Variants in DNAAF9 observed in about 807,000 individuals in gnomAD.
DNAAF9 encodes dynein axonemal assembly factor 9, also known as shulin.
Under a neutral mutation model 167.0 loss-of-function variants are expected in DNAAF9, and 90 were observed. The observed-to-expected ratio is 0.54, with a 90% CI of 0.45 to 0.64. The LOEUF is 0.64. Among genes scored for constraint, DNAAF9 ranks in the 30% least tolerant of loss-of-function variants. DNAAF9 has a pLI of 0.00. For synonymous variants in DNAAF9, 491 were observed against 508.8 expected (o/e 0.96, Z 0.47); for missense variants, 1,315 against 1,442.2 (o/e 0.91, Z 1.43).
intron 7 of DNAAF9, among the ~76,000 whole-genome samples, chr20:3,356,746 T>C (rs1469112219): frequency 6.6e-6 from 1 of 152,182 alleles, no homozygotes; most frequent in Non-Finnish European, 1.5e-5. Context: ...AGAAAAGTTC[T>C]CACAGCAAGA....
intron 21 of DNAAF9, among the ~76,000 whole-genome samples, chr20:3,298,730 A>G (rs1202152141): frequency 6.6e-6 from 1 of 151,890 alleles, no homozygotes; most frequent in East Asian, 1.9e-4. Context: ...CTGTCTTTTC[A>G]CTCTCTGGAT....
chr20:3,315,904 C>T lies in DNAAF9; in HGVS notation c.1540-119G>A. On this transcript the variant is annotated intron_variant, in intron 18 of 36. Coordinates refer to ENST00000252032, the MANE Select transcript of DNAAF9 (RefSeq NM_001009984.3). The surrounding 1 kb of genome is among the most constrained non-coding windows in gnomAD (Gnocchi z 4.1). ...GGCTGGACAGTCCTTCCACCATGTC[C>T]ATGTCCAGTGCTCTCAGGCCCTGAC... The T allele has an allele frequency of 2.5e-6, 2 of 815,760 alleles. No individual in the cohort carries two copies. Among genetic ancestry groups the T allele is most frequent in the Non-Finnish European group, 4.3e-6 (2 of 462,636 alleles). The allele number at this position is 815,760 out of a possible 1,614,324, so 50.5% of individuals were successfully genotyped here. A position where few individuals can be genotyped will look rare whatever the true frequency, so the allele number is the denominator to read the frequency against.
chr20:3,358,580 CCA>C (rs2083320105), intron 7 of DNAAF9, among the ~76,000 whole-genome samples: 1 of 152,190 alleles, frequency 6.6e-6, no homozygotes, highest in African/African-American at 2.4e-5. Flanking sequence ...GCCACTGTGC[CCA>C]GTCTGCCCTT....
intron 6 of DNAAF9, among the ~76,000 whole-genome samples, chr20:3,360,770 T>C (rs943559143): frequency 2.6e-5 from 4 of 152,202 alleles, no homozygotes; most frequent in African/African-American, 4.8e-5. Context: ...AGGATGACCA[T>C]GAAAGCCCTG....
At chr20:3,393,279 G>A (rs2083851569) in intron 1 of DNAAF9, among the ~76,000 whole-genome samples, 1 of 152,094 alleles carries the variant, frequency 6.6e-6, no homozygotes, top group South Asian at 2.1e-4. Context: ...CTGGGTTCAA[G>A]TGATTCTCCT....
chr20:3,335,789 C>T (rs1339218125), intron 10 of DNAAF9, among the ~76,000 whole-genome samples: 2 of 149,114 alleles, frequency 1.3e-5, no homozygotes, highest in African/African-American at 5.0e-5. Context: ...TTGTCTTCCC[C>T]CTATGGGTAA....
chr20:3,401,177 C>T (rs1291472588), intron 1 of DNAAF9, among the ~76,000 whole-genome samples: 1 of 152,130 alleles, frequency 6.6e-6, no homozygotes, highest in Non-Finnish European at 1.5e-5. Flanking sequence ...AAAGTGCTTT[C>T]TCTAGAGTAT....
At chr20:3,295,973 C>A in intron 23 of DNAAF9, 1 of 1,583,630 alleles carries the variant, frequency 6.3e-7, no homozygotes. Context: ...CTTGGTCAGG[C>A]ATTTCACTTT....
intron 7 of DNAAF9, among the ~76,000 whole-genome samples, chr20:3,356,590 C>T: frequency 6.6e-6 from 1 of 152,120 alleles, no homozygotes; most frequent in East Asian, 1.9e-4. Context: ...GAAATTTCTG[C>T]TTTTTCCCTT....
rs188871143 is a variant in DNAAF9 at position 3,300,009 on chromosome 20, T to G, written c.1783-1834A>C. Among the ~76,000 whole-genome samples, 511 of 152,124 alleles carry G rather than the reference T, an allele frequency of 3.4e-3. 5 individuals are homozygous for G. The highest frequency in any genetic ancestry group is 0.011 in the African/African-American group (437 of 41,510). ...CCTCTGCCTCCCAGGTTAAAGTGAT[T>G]CTTGTGCCTCAGCCTTCCGAGTAGC... On this transcript the variant is annotated intron_variant, in intron 21 of 36. Transcript: ENST00000252032.
At chr20:3,270,931 G>T (rs1235431585) in intron 29 of DNAAF9, among the ~76,000 whole-genome samples, 2 of 151,386 alleles carry the variant, frequency 1.3e-5, no homozygotes, top group Non-Finnish European at 2.9e-5. Flanking sequence ...TCCTGCCTCA[G>T]CCTCTTGAGT....
intron 3 of DNAAF9, among the ~76,000 whole-genome samples, chr20:3,377,789 G>T (rs547186919): frequency 6.6e-6 from 1 of 152,080 alleles, no homozygotes; most frequent in African/African-American, 2.4e-5. Context: ...ATGTTGGTCA[G>T]TTATGCCTGA....
At position 3,332,369 on chromosome 20, in the gene DNAAF9, T is replaced by G. The variant is rs1241580255; in HGVS notation, c.982-8A>C. ...TGAGACACACTGGGCTACCTGGATG[T>G]CAGAAAAAAATAAAAATAAAAAGGG... On this transcript the variant is annotated splice_polypyrimidine_tract_variant and splice_region_variant and intron_variant, in intron 10 of 36. Coordinates refer to ENST00000252032, the MANE Select transcript of DNAAF9 (RefSeq NM_001009984.3). The G allele has an allele frequency of 1.3e-6, 2 of 1,548,518 alleles. No homozygotes were observed. The highest frequency in any genetic ancestry group is 1.8e-6 in the Non-Finnish European group (2 of 1,122,550).
chr20:3,279,087 T>C lies in DNAAF9; in HGVS notation c.2613-138A>G, dbSNP rs73577653. 1.9e-3 allele frequency: 1,304 copies of C among 679,158 alleles called. 16 individuals are homozygous for C. In the African/African-American group the frequency reaches 0.019, roughly 10 times the overall value. 42.1% of individuals were successfully genotyped at this position (679,158 alleles called of 1,614,324 possible). ...GGCAGGTGGCAGCAGCACTGAGCAC[T>C]AAGGATAGCCATGGGACTTTACAGC... is the stretch of plus-strand genomic sequence containing the variant. On this transcript the variant is annotated intron_variant, in intron 28 of 36. Transcript: ENST00000252032.
chr20:3,335,060 A>G (rs773181371), intron 10 of DNAAF9, among the ~76,000 whole-genome samples: 3 of 152,250 alleles, frequency 2.0e-5, no homozygotes, highest in Non-Finnish European at 4.4e-5. Flanking sequence ...AATTGCTTTT[A>G]TAATACAATC....
intron 31 of DNAAF9, among the ~76,000 whole-genome samples, chr20:3,262,918 T>C (rs1276158002): frequency 1.3e-5 from 2 of 151,764 alleles, no homozygotes; most frequent in Non-Finnish European, 2.9e-5. Context: ...TTTTACATAC[T>C]GACCCTCTGG....
At chr20:3,365,557 A>C (rs1249043912) in intron 6 of DNAAF9, among the ~76,000 whole-genome samples, 2 of 151,808 alleles carry the variant, frequency 1.3e-5, no homozygotes, top group African/African-American at 4.8e-5. Flanking sequence ...ATGCCCAGCT[A>C]ATTTTTGTAT....
chr20:3,255,893 G>T, intron 34 of DNAAF9, 113 bp downstream of exon 34: 1 of 770,324 alleles, frequency 1.3e-6, no homozygotes, highest in Non-Finnish European at 2.2e-6. Context: ...CCAGGGAGAG[G>T]AAGCCCAGTG....
chr20:3,336,139 T>G (rs1786925557), intron 10 of DNAAF9, among the ~76,000 whole-genome samples: 1 of 152,024 alleles, frequency 6.6e-6, no homozygotes, highest in Non-Finnish European at 1.5e-5. Context: ...AAAATATTTT[T>G]TGTCTGTAGT....
Sources: allele counts gnomAD v4.1 joint callset (sites outside exome capture counted in the v4.1 genomes callset), GRCh38; gene constraint gnomAD v4.1.1; non-coding constraint Gnocchi (gnomAD v3.1); transcripts MANE v1.5; gene names NCBI Gene and HGNC (gene_info 2026-07-23, HGNC 2026-07-21).